Variants in FAM178B observed in about 807,000 individuals in gnomAD.
The protein encoded by FAM178B is protein FAM178B.
A neutral mutation model predicts 91.7 loss-of-function variants in FAM178B; 82 were observed. The ratio of observed to expected loss-of-function variants is 0.89; its 90% CI spans 0.75 to 1.07. FAM178B has a LOEUF of 1.07. Among genes scored for constraint, FAM178B ranks in the 50% least tolerant of loss-of-function variants. The pLI, the probability that FAM178B is intolerant of heterozygous loss-of-function variation, is 0.00. For synonymous variants in FAM178B, 368 were observed against 359.4 expected (o/e 1.02, Z -0.27); for missense variants, 769 against 846.7 (o/e 0.91, Z 1.14).
chr2:96,886,568 C>G (rs762220804), intron 14 of FAM178B, among the ~76,000 whole-genome samples: 9 of 152,216 alleles, frequency 5.9e-5, no homozygotes, highest in Admixed American at 5.2e-4. Flanking sequence ...TTTTTTGACA[C>G]TGTTTAGCCC....
At position 96,933,362 on chromosome 2, in the gene FAM178B, G is replaced by C. The variant is rs532046596; in HGVS notation, c.1079-4042C>G. ...CCCTTTAGGTTACCCTTCTGGGATG[G>C]AACTGACACTTGGGGGTATGGGGGG... is the stretch of plus-strand genomic sequence containing the variant. On this transcript the variant is annotated intron_variant, in intron 8 of 16. Transcript: ENST00000490605. 1.5e-3 allele frequency among the ~76,000 whole-genome samples: 234 copies of C among 152,242 alleles called. 1 individual carries two copies. The highest frequency in any genetic ancestry group is 5.4e-3 in the African/African-American group (223 of 41,558).
chr2:96,950,652 C>T (rs370845845), intron 7 of FAM178B, among the ~76,000 whole-genome samples: 3 of 152,326 alleles, frequency 2.0e-5, no homozygotes, highest in African/African-American at 7.2e-5. Context: ...GCCTGGCATT[C>T]AGATCACAGC....
chr2:96,881,031 G>A (rs1172324314), intron 14 of FAM178B, among the ~76,000 whole-genome samples: 1 of 151,676 alleles, frequency 6.6e-6, no homozygotes, highest in Non-Finnish European at 1.5e-5. Context: ...GTTCACGCCT[G>A]TAATCCCAGC....
At chr2:96,880,811 GC>G (rs1249648437) in intron 14 of FAM178B, among the ~76,000 whole-genome samples, 4 of 152,186 alleles carry the variant, frequency 2.6e-5, no homozygotes, top group East Asian at 1.9e-4. Context: ...AGCCAGGATG[GC>G]CTCGATCTCC....
intron 12 of FAM178B, among the ~76,000 whole-genome samples, chr2:96,917,588 G>A (rs1344571300): frequency 6.6e-6 from 1 of 152,206 alleles, no homozygotes; most frequent in Non-Finnish European, 1.5e-5. Context: ...AGGCATGGTG[G>A]CTCACACCCG....
chr2:96,949,826 G>C (rs1470705736), intron 7 of FAM178B, among the ~76,000 whole-genome samples: 1 of 152,222 alleles, frequency 6.6e-6, no homozygotes, highest in Non-Finnish European at 1.5e-5. Flanking sequence ...AGAGCTCTGT[G>C]GGGGCACAAG....
chr2:96,956,588 A>AT (rs1163566310), intron 6 of FAM178B: 1 of 152,216 alleles, frequency 6.6e-6, no homozygotes, highest in East Asian at 1.9e-4. Context: ...TCAAGAGTTG[A>AT]TTTTTTAAAA....
intron 13 of FAM178B, among the ~76,000 whole-genome samples, chr2:96,897,607 G>A (rs1001654056): frequency 2.6e-5 from 4 of 152,138 alleles, no homozygotes; most frequent in African/African-American, 7.2e-5. Flanking sequence ...CTGTTCTCTT[G>A]CATCGCACAT....
At chr2:96,908,599 T>C (rs764889908) in intron 12 of FAM178B, among the ~76,000 whole-genome samples, 4 of 152,112 alleles carry the variant, frequency 2.6e-5, no homozygotes, top group Non-Finnish European at 5.9e-5. Flanking sequence ...TGAAAGTGAT[T>C]ACCTCTGCAG....
chr2:96,930,489 C>A (rs2081522420), intron 8 of FAM178B, among the ~76,000 whole-genome samples: 1 of 152,196 alleles, frequency 6.6e-6, no homozygotes, highest in Non-Finnish European at 1.5e-5. Flanking sequence ...CATTCCTCAG[C>A]ATTGTCCGAC....
intron 6 of FAM178B, among the ~76,000 whole-genome samples, chr2:96,958,623 G>C (rs898624247): frequency 4.2e-5 from 6 of 143,826 alleles, no homozygotes; most frequent in African/African-American, 1.5e-4. Context: ...CAGAGGGGCG[G>C]AGGTTGCAGT....
intron 13 of FAM178B, 80 bp downstream of exon 13, chr2:96,902,540 T>C (rs2080953760): frequency 2.1e-6 from 2 of 957,056 alleles, no homozygotes; most frequent in Non-Finnish European, 3.3e-6. Context: ...CTCTGGGGCC[T>C]GATGTTCCTG....
intron 5 of FAM178B, among the ~76,000 whole-genome samples, chr2:96,961,035 A>G (rs2082073448): frequency 6.6e-6 from 1 of 152,134 alleles, no homozygotes; most frequent in South Asian, 2.1e-4. Context: ...GACCACCCAG[A>G]CAGCTGCTGC....
intron 12 of FAM178B, among the ~76,000 whole-genome samples, chr2:96,916,660 TG>T (rs2081246201): frequency 6.6e-6 from 1 of 152,204 alleles, no homozygotes; most frequent in African/African-American, 2.4e-5. Flanking sequence ...CTCTTCCCCT[TG>T]GCTCTGTTTC....
At chr2:96,940,499 C>T (rs1047932770) in intron 8 of FAM178B, among the ~76,000 whole-genome samples, 1 of 152,320 alleles carries the variant, frequency 6.6e-6, no homozygotes. Context: ...CTAAAGACTG[C>T]TTAAATTTCA....
At chr2:96,978,399 T>C (rs2082319160) in intron 1 of FAM178B, among the ~76,000 whole-genome samples, 1 of 152,186 alleles carries the variant, frequency 6.6e-6, no homozygotes, top group Non-Finnish European at 1.5e-5. Context: ...ACCTGAATAG[T>C]GAACATTATA....
chr2:96,973,778 G>A (rs1032048789), intron 1 of FAM178B, among the ~76,000 whole-genome samples: 3 of 150,626 alleles, frequency 2.0e-5, no homozygotes, highest in Admixed American at 6.6e-5. Flanking sequence ...AGGAGGGTGG[G>A]TCATCTGAGG....
At chr2:96,886,036 G>A (rs558713368) in intron 14 of FAM178B, among the ~76,000 whole-genome samples, 21 of 152,186 alleles carry the variant, frequency 1.4e-4, no homozygotes, top group Middle Eastern at 3.4e-3. Flanking sequence ...AATTGTCTCC[G>A]CGGTGTTGGC....
At position 96,894,130 on chromosome 2, in the gene FAM178B, C is replaced by T. The variant is rs2080752150; in HGVS notation, c.1651-79G>A. ...GGGTGCTCCCGGGAATCGGCCTGGA[C>T]ACCTCAGCTGGTGGCAGTGTGTTAG... On this transcript the variant is annotated intron_variant, in intron 13 of 16. Coordinates refer to ENST00000490605, the MANE Select transcript of FAM178B (RefSeq NM_001122646.3). 4 of 1,512,230 alleles carry T rather than the reference C, an allele frequency of 2.6e-6. No individual in the cohort carries two copies. The East Asian group carries it at 1.0e-4, about 38-fold the overall frequency. 93.7% of individuals were successfully genotyped at this position (1,512,230 alleles called of 1,614,324 possible).
Sources: allele counts gnomAD v4.1 joint callset (sites outside exome capture counted in the v4.1 genomes callset), GRCh38; gene constraint gnomAD v4.1.1; transcripts MANE v1.5; gene names NCBI Gene and HGNC (gene_info 2026-07-23, HGNC 2026-07-21).